The following ZNF100 variants were observed in gnomAD, a reference collection of about 807,000 sequenced individuals.
ZNF100 encodes the protein zinc finger protein 100, also known as zinc finger protein 100 (Y1).
In ZNF100, 12 loss-of-function variants were observed where a neutral mutation model predicts 15.8. The observed-to-expected ratio is 0.76, with a 90% confidence interval of 0.49 to 1.23. The LOEUF is 1.23. Among genes scored for constraint, ZNF100 ranks in the 50% most tolerant of loss-of-function variants. The probability of loss-of-function intolerance (pLI) is 0.00; values close to 1 mark genes in which losing one functional copy is unlikely to be tolerated. For missense variants in ZNF100, 670 were observed against 635.6 expected, an observed-to-expected ratio of 1.05 and a Z score of -0.58; for synonymous variants, 226 against 214.8, an observed-to-expected ratio of 1.05 and a Z score of -0.45.
At chr19:21,743,354 T>C (rs1477998323) in intron 4 of ZNF100, 1 of 152,220 alleles carries the variant, frequency 6.6e-6, no homozygotes, top group African/African-American at 2.4e-5. Context: ...TCTAAAGTAA[T>C]CTATAGCTCC....
chr19:21,731,941 A>C (rs2035927046), intron 4 of ZNF100, among the ~76,000 whole-genome samples: 1 of 152,238 alleles, frequency 6.6e-6, no homozygotes. Context: ...TAAGAGGAAT[A>C]AACAGAATAT....
intron 2 of ZNF100, among the ~76,000 whole-genome samples, chr19:21,747,940 T>C (rs2036239340): frequency 6.6e-6 from 1 of 151,404 alleles, no homozygotes; most frequent in Non-Finnish European, 1.5e-5. Flanking sequence ...GGCCCAGCAT[T>C]ATTACTTCTT....
At chr19:21,741,459 C>G (rs1483090449) in intron 4 of ZNF100, among the ~76,000 whole-genome samples, 1 of 152,176 alleles carries the variant, frequency 6.6e-6, no homozygotes, top group Non-Finnish European at 1.5e-5. Flanking sequence ...ACTGCAACCT[C>G]TGGCTCCCAG....
In ZNF100 at chr19:21,723,095, TA is replaced by T. The variant is rs2035709467; in HGVS notation, c.*3587del. The T allele has an allele frequency of 1.3e-5, 2 of 151,998 alleles. No individual in the cohort carries two copies. The highest frequency in any genetic ancestry group is 4.1e-4 in the South Asian group (2 of 4,832). 9.4% of individuals were successfully genotyped at this position (151,998 alleles called of 1,614,324 possible). A position where few individuals can be genotyped will look rare whatever the true frequency, so the allele number is the denominator to read the frequency against. ...AGCTGGGTGCAGTGGCTTATGCCTGTAATCCAAGCACTTTGGGAGGCTGAGG... is the reference window on the plus strand; with the variant it reads ...AGCTGGGTGCAGTGGCTTATGCCTGTATCCAAGCACTTTGGGAGGCTGAGG... On this transcript the variant is annotated 3_prime_UTR_variant, in exon 5 of 5. Transcript: ENST00000358296.
intron 4 of ZNF100, among the ~76,000 whole-genome samples, chr19:21,742,287 ACT>A (rs1459148090): frequency 7.4e-6 from 1 of 135,904 alleles, no homozygotes; most frequent in Non-Finnish European, 1.5e-5. Flanking sequence ...ACAGAGCAAG[ACT>A]CTGTCCCCCA....
Position 21,767,578 on chromosome 19 carries a change from A to G in ZNF100, c.-149T>C. The G allele has an allele frequency of 8.0e-7, 1 of 1,252,322 alleles. No homozygotes were observed. Among genetic ancestry groups the G allele is most frequent in the Non-Finnish European group, 1.1e-6 (1 of 908,738 alleles). The allele number at this position is 1,252,322 out of a possible 1,614,324, so 77.6% of individuals were successfully genotyped here. A position where few individuals can be genotyped will look rare whatever the true frequency, so the allele number is the denominator to read the frequency against. ...GCTCCGGCTACAGCGAGAGACAAAG[A>G]CCCCGCCAAACCCGGAAGCCGTCCA... is the stretch of plus-strand genomic sequence containing the variant. On this transcript the variant is annotated 5_prime_UTR_variant, in exon 1 of 5. Coordinates refer to ENST00000358296, the MANE Select transcript of ZNF100 (RefSeq NM_173531.4).
intron 1 of ZNF100, 146 bp from the exon 2 acceptor site, chr19:21,765,932 T>C (rs746350833): frequency 4.2e-6 from 3 of 706,202 alleles, no homozygotes; most frequent in South Asian, 2.0e-5. Flanking sequence ...CATCACCCCA[T>C]AGATTTTTCC....
intron 2 of ZNF100, among the ~76,000 whole-genome samples, chr19:21,763,594 G>GA (rs1052458119): frequency 3.3e-5 from 5 of 152,040 alleles, no homozygotes; most frequent in African/African-American, 1.2e-4. Flanking sequence ...ATCCCGGGGG[G>GA]AAAAAAATCA....
At chr19:21,765,413 T>C (rs900866740) in intron 2 of ZNF100, among the ~76,000 whole-genome samples, 23 of 152,212 alleles carry the variant, frequency 1.5e-4, no homozygotes, top group Non-Finnish European at 3.1e-4. Context: ...CTGCCCCAGG[T>C]GCATTTTACT....
chr19:21,767,263 A>G (rs2036580034), intron 1 of ZNF100, among the ~76,000 whole-genome samples, 164 bp downstream of exon 1: 1 of 152,164 alleles, frequency 6.6e-6, no homozygotes, highest in Admixed American at 6.5e-5. Context: ...CCTGGCTGTC[A>G]GCGCAGCCGC....
Position 21,726,496 on chromosome 19 carries a change from C to T in ZNF100, c.*187G>A. On this transcript the variant is annotated 3_prime_UTR_variant, in exon 5 of 5. Transcript: ENST00000358296. ...TGTTTTGAAAAGTTTGAGGTGTTTT[C>T]AAAGCACTGTCACATCTTTCTGGTT... 1 of 574,638 alleles carries T rather than the reference C, an allele frequency of 1.7e-6. No homozygotes were observed. Among genetic ancestry groups the T allele is most frequent in the Non-Finnish European group, 2.9e-6 (1 of 339,878 alleles). The allele number at this position is 574,638 out of a possible 1,614,324, so 35.6% of individuals were successfully genotyped here. A position where few individuals can be genotyped will look rare whatever the true frequency, so the allele number is the denominator to read the frequency against.
intron 2 of ZNF100, among the ~76,000 whole-genome samples, chr19:21,750,297 A>T (rs1229304220): frequency 1.3e-5 from 2 of 152,202 alleles, no homozygotes; most frequent in Non-Finnish European, 2.9e-5. Context: ...ACCACTTCTA[A>T]TATTATTTCA....
chr19:21,757,055 C>G (rs1038513203), intron 2 of ZNF100, among the ~76,000 whole-genome samples: 6 of 152,222 alleles, frequency 3.9e-5, no homozygotes, highest in Non-Finnish European at 7.3e-5. Flanking sequence ...AATTCCAGCA[C>G]TTTGGGAGGC....
intron 2 of ZNF100, among the ~76,000 whole-genome samples, chr19:21,755,250 T>G (rs1938774439): frequency 6.6e-6 from 1 of 150,848 alleles, no homozygotes. Flanking sequence ...GAGGTTGCAG[T>G]GAGCCAAGAT....
chr19:21,744,605 C>A (rs982715236), intron 3 of ZNF100, among the ~76,000 whole-genome samples: 2 of 151,846 alleles, frequency 1.3e-5, no homozygotes, highest in Non-Finnish European at 2.9e-5. Flanking sequence ...CTCCTGACCT[C>A]GTGACCCGCC....
In ZNF100 at chr19:21,723,503, G is replaced by T. The variant is rs1258371067; in HGVS notation, c.*3180C>A. ...GGAGATGGGCTGTGCTGCATACATA[G>T]CTGGGGATACACATAATAAATACAG... On this transcript the variant is annotated 3_prime_UTR_variant, in exon 5 of 5. Transcript: ENST00000358296. 1 of 152,030 alleles carries T rather than the reference G, an allele frequency of 6.6e-6. No homozygotes were observed. Among genetic ancestry groups the T allele is most frequent in the Non-Finnish European group, 1.5e-5 (1 of 68,032 alleles). The allele number at this position is 152,030 out of a possible 1,614,324, so 9.4% of individuals were successfully genotyped here.
rs1407479052 is a variant in ZNF100, at chr19:21,726,791, A to G, written c.1521T>C (p.His507=). ...CCCATTTGTAAGATTTCTCTCCAGT[A>G]TGAGTTATCTTATGTTTAGTAAGGG... ...SSTLTKHKIT[H]TGEKSYKWEE... The change falls in exon 5 of 5, where the codon CAT becomes CAC. Residue 507 remains histidine (H), a synonymous_variant. Coordinates refer to ENST00000358296, the MANE Select transcript of ZNF100 (RefSeq NM_173531.4). 1 of 1,613,616 alleles carries G rather than the reference A, an allele frequency of 6.2e-7. No individual in the cohort carries two copies. Among genetic ancestry groups the G allele is most frequent in the African/African-American group, 1.3e-5 (1 of 74,884 alleles).
At chr19:21,743,981 A>C (rs2036166856) in intron 4 of ZNF100, 36 bp downstream of exon 4, 2 of 1,566,824 alleles carry the variant, frequency 1.3e-6, no homozygotes, top group African/African-American at 2.8e-5. Flanking sequence ...TTTGGACCTC[A>C]CATCTGTGTC....
chr19:21,766,122 G>A (rs2145753157), intron 1 of ZNF100, among the ~76,000 whole-genome samples: 1 of 152,246 alleles, frequency 6.6e-6, no homozygotes, highest in Middle Eastern at 3.4e-3. Flanking sequence ...TTAATGCTTT[G>A]TCAAAAACAA....
Sources: gnomAD v4.1 joint callset for allele counts (sites outside exome capture counted in the v4.1 genomes callset) on GRCh38, gnomAD v4.1.1 for gene constraint, MANE v1.5 for transcripts, NCBI Gene and HGNC (gene_info 2026-07-23, HGNC 2026-07-21) for gene names.